LRP11: variants seen among roughly 807,000 people sequenced by gnomAD.
LRP11 encodes the protein low-density lipoprotein receptor-related protein 11.
In LRP11, 25 loss-of-function variants were observed where a neutral mutation model predicts 43.1. The observed-to-expected ratio is 0.58, with a 90% confidence interval of 0.42 to 0.81. The LOEUF (loss-of-function observed/expected upper bound fraction) is 0.81. LRP11 is among the 30% of genes least tolerant of loss of function. The pLI, the probability that LRP11 is intolerant of heterozygous loss-of-function variation, is 0.00. For synonymous variants in LRP11, 316 were observed against 299.4 expected (o/e 1.06, Z -0.57); for missense variants, 623 against 665.1 (o/e 0.94, Z 0.70).
At chr6:149,831,321 C>T (rs577743353) in intron 5 of LRP11, among the ~76,000 whole-genome samples, 2 of 152,322 alleles carry the variant, frequency 1.3e-5, no homozygotes, top group East Asian at 1.9e-4. Context: ...GCAGATTCCA[C>T]GTGAATGTGG....
chr6:149,856,807 A>T (rs748449274), intron 1 of LRP11, among the ~76,000 whole-genome samples: 11 of 152,150 alleles, frequency 7.2e-5, no homozygotes, highest in Non-Finnish European at 1.5e-4. Context: ...GACAAGGAAG[A>T]CATTCTGTGC....
Position 149,820,396 on chromosome 6 carries a change from C to T in LRP11, c.*153G>A, listed in dbSNP as rs1161027949. ...AAATATTTTATGACTTCTAAGGAAA[C>T]TTTTTTTACAATAAATAATAAAGAA... is the stretch of plus-strand genomic sequence containing the variant. On this transcript the variant is annotated 3_prime_UTR_variant, in exon 7 of 7. Transcript: ENST00000239367. 6.4e-6 allele frequency: 3 copies of T among 469,890 alleles called. No homozygotes were observed. The highest frequency in any genetic ancestry group is 1.1e-5 in the Non-Finnish European group (3 of 265,956). 29.1% of individuals were successfully genotyped at this position (469,890 alleles called of 1,614,324 possible). A position where few individuals can be genotyped will look rare whatever the true frequency, so the allele number is the denominator to read the frequency against.
chr6:149,838,675 ACT>A (rs1343748773), intron 3 of LRP11, among the ~76,000 whole-genome samples: 3 of 144,860 alleles, frequency 2.1e-5, no homozygotes, highest in African/African-American at 7.7e-5. Flanking sequence ...ACAGAGGGAG[ACT>A]CTGTCTCAAA....
At chr6:149,862,577 C>CTTTTTTTTTTTT (rs10553273) in intron 1 of LRP11, among the ~76,000 whole-genome samples, 11 of 126,202 alleles carry the variant, frequency 8.7e-5, no homozygotes, top group African/African-American at 3.0e-4. Flanking sequence ...TTTTCTTTTC[C>CTTTTTTTTTTTT]TTTTTTTTTT....
chr6:149,863,397 C>T lies in LRP11; in HGVS notation c.613+11G>A, dbSNP rs779922098. The T allele has an allele frequency of 1.5e-6, 2 of 1,340,280 alleles. No homozygotes were observed. Among genetic ancestry groups the T allele is most frequent in the Non-Finnish European group, 1.9e-6 (2 of 1,052,670 alleles). The allele number at this position is 1,340,280 out of a possible 1,614,324, so 83.0% of individuals were successfully genotyped here. A position where few individuals can be genotyped will look rare whatever the true frequency, so the allele number is the denominator to read the frequency against. On this transcript the variant is annotated intron_variant, in intron 1 of 6. Transcript: ENST00000239367. ...CTCTGGCCAAGGCCGGCCCCTCAGT[C>T]GCGCGCTTACCCTGCCGGGGCGAGG...
intron 2 of LRP11, among the ~76,000 whole-genome samples, chr6:149,845,170 A>G (rs922949332): frequency 3.9e-5 from 6 of 152,258 alleles, no homozygotes; most frequent in African/African-American, 1.4e-4. Flanking sequence ...AATGGAAGTA[A>G]TAATAGCACC....
chr6:149,853,417 A>G (rs569313566), intron 1 of LRP11, among the ~76,000 whole-genome samples: 130 of 152,300 alleles, frequency 8.5e-4, no homozygotes, highest in Admixed American at 1.6e-3. Flanking sequence ...ATGTGTAAAT[A>G]TGGAGAAGCA....
At chr6:149,840,792 C>G (rs915064995) in intron 3 of LRP11, among the ~76,000 whole-genome samples, 2 of 152,126 alleles carry the variant, frequency 1.3e-5, no homozygotes, top group Non-Finnish European at 2.9e-5. Context: ...GTGAGCCATC[C>G]CTGCTGGAGA....
Position 149,853,119 on chromosome 6 carries a change from C to A in LRP11, c.655G>T (p.Val219Phe). The A allele has an allele frequency of 6.2e-7, 1 of 1,610,712 alleles. No individual in the cohort carries two copies. The highest frequency in any genetic ancestry group is 8.5e-7 in the Non-Finnish European group (1 of 1,178,432). The change falls in exon 2 of 7, where the codon GTT becomes TTT. Residue 219 changes from valine (V) to phenylalanine (F), a missense_variant. Transcript: ENST00000239367. ...PPLSKAGQDVVLHLPTDGVVL... is the reference protein window; with the variant it reads ...PPLSKAGQDVFLHLPTDGVVL... ...ACCCCGTCTGTGGGCAGATGCAGAACCACATCCTGCCCAGCCTTGCTAAGT... is the reference window on the plus strand; with the variant it reads ...ACCCCGTCTGTGGGCAGATGCAGAAACACATCCTGCCCAGCCTTGCTAAGT...
chr6:149,864,140 G>T lies in LRP11; in HGVS notation c.-120C>A. 8.6e-7 allele frequency: 1 copy of T among 1,161,698 alleles called. No homozygotes were observed. The highest frequency in any genetic ancestry group is 4.4e-5 in the South Asian group (1 of 22,936). 72.0% of individuals were successfully genotyped at this position (1,161,698 alleles called of 1,614,324 possible). ...CGGCCGCGGCTGGCTCTAGGCCCCGGCCTCACAGCGCGGCGCCCCCGAACC... is the reference window on the plus strand; with the variant it reads ...CGGCCGCGGCTGGCTCTAGGCCCCGTCCTCACAGCGCGGCGCCCCCGAACC... On this transcript the variant is annotated 5_prime_UTR_variant, in exon 1 of 7. Transcript: ENST00000239367.
chr6:149,844,042 C>T (rs1776591579), intron 2 of LRP11, among the ~76,000 whole-genome samples: 1 of 152,162 alleles, frequency 6.6e-6, no homozygotes. Flanking sequence ...ATGATGAGGT[C>T]AGGAGATGGA....
intron 2 of LRP11, among the ~76,000 whole-genome samples, chr6:149,845,797 T>C (rs1256317416): frequency 6.7e-6 from 1 of 150,030 alleles, no homozygotes; most frequent in Non-Finnish European, 1.5e-5. Context: ...TCTTATCTGG[T>C]CAGATAAGAT....
At chr6:149,837,316 C>A in intron 4 of LRP11, 22 bp downstream of exon 4, 2 of 1,610,742 alleles carry the variant, frequency 1.2e-6, no homozygotes, top group Non-Finnish European at 1.7e-6. Context: ...CACTGCCTAG[C>A]AATGTGACAT....
chr6:149,846,740 C>T (rs749310106), intron 2 of LRP11, among the ~76,000 whole-genome samples: 5 of 152,004 alleles, frequency 3.3e-5, no homozygotes, highest in Non-Finnish European at 7.4e-5. Context: ...GAGTTTGAGA[C>T]CAGCCTGGCC....
At chr6:149,835,452 T>C (rs1222310030) in intron 5 of LRP11, among the ~76,000 whole-genome samples, 4 of 151,970 alleles carry the variant, frequency 2.6e-5, no homozygotes, top group Non-Finnish European at 5.9e-5. Flanking sequence ...ATACAAAAAT[T>C]AGTCAGGCAT....
intron 5 of LRP11, among the ~76,000 whole-genome samples, chr6:149,829,511 A>T (rs1378109404): frequency 6.6e-6 from 1 of 152,062 alleles, no homozygotes; most frequent in Non-Finnish European, 1.5e-5. Flanking sequence ...CAGTGACCCC[A>T]GACAGCGCCA....
chr6:149,862,596 T>TTTTTTTTAA (rs1776931529), intron 1 of LRP11, among the ~76,000 whole-genome samples: 1 of 129,624 alleles, frequency 7.7e-6, no homozygotes, highest in Non-Finnish European at 1.7e-5. Flanking sequence ...TTTTTTTTTT[T>TTTTTTTTAA]AAGATGGAGT....
intron 1 of LRP11, among the ~76,000 whole-genome samples, chr6:149,858,623 C>A (rs1776839212): frequency 6.6e-6 from 1 of 152,168 alleles, no homozygotes. Context: ...TTCGAGACAA[C>A]CCTAGGTGTA....
chr6:149,824,605 T>G (rs1171869886), intron 6 of LRP11, among the ~76,000 whole-genome samples: 1 of 152,196 alleles, frequency 6.6e-6, no homozygotes, highest in Non-Finnish European at 1.5e-5. Context: ...ACACCTGTAA[T>G]CCCAGCATGG....
Sources: allele counts gnomAD v4.1 joint callset (sites outside exome capture counted in the v4.1 genomes callset), GRCh38; gene constraint gnomAD v4.1.1; transcripts MANE v1.5; gene names NCBI Gene and HGNC (gene_info 2026-07-23, HGNC 2026-07-21).